Variants in SMYD3 observed in about 807,000 individuals in gnomAD.
SMYD3 encodes the protein histone-lysine N-methyltransferase SMYD3.
Under a neutral mutation model 57.7 loss-of-function variants are expected in SMYD3, and 36 were observed. That is an observed-to-expected ratio of 0.62 (90% CI 0.48 to 0.82). The LOEUF (loss-of-function observed/expected upper bound fraction) is 0.82. Among genes scored for constraint, SMYD3 ranks in the 40% least tolerant of loss-of-function variants. The pLI is 0.00. For missense variants in SMYD3, 515 were observed against 538.8 expected, an observed-to-expected ratio of 0.96 and a Z score of 0.44; for synonymous variants, 211 against 195.0, an observed-to-expected ratio of 1.08 and a Z score of -0.68.
intron 5 of SMYD3, among the ~76,000 whole-genome samples, chr1:246,021,877 A>C (rs543390739): frequency 6.6e-6 from 1 of 152,336 alleles, no homozygotes; most frequent in Admixed American, 6.5e-5. Context: ...TCAGCAGCTC[A>C]CTTCGTGGGT....
At chr1:246,345,945 C>T (rs1003399747) in intron 2 of SMYD3, among the ~76,000 whole-genome samples, 12 of 152,188 alleles carry the variant, frequency 7.9e-5, no homozygotes, top group African/African-American at 2.9e-4. Context: ...ATGAATGCCA[C>T]AGTCCAGGGA....
chr1:246,329,331 T>C (rs1486084505), intron 4 of SMYD3, among the ~76,000 whole-genome samples: 1 of 152,184 alleles, frequency 6.6e-6, no homozygotes, highest in Admixed American at 6.5e-5. Flanking sequence ...TTCCTATTTC[T>C]CCACATCCTC....
At chr1:246,356,237 G>A (rs1452855742) in intron 1 of SMYD3, among the ~76,000 whole-genome samples, 1 of 152,130 alleles carries the variant, frequency 6.6e-6, no homozygotes, top group Non-Finnish European at 1.5e-5. Context: ...CATCCCTGGG[G>A]GAGGAGGGAG....
chr1:246,132,695 A>C (rs2061605525), intron 5 of SMYD3, among the ~76,000 whole-genome samples: 1 of 152,184 alleles, frequency 6.6e-6, no homozygotes, highest in African/African-American at 2.4e-5. Context: ...GTGAAAAAGC[A>C]ATCCATAGAA....
At chr1:246,326,862 A>C (rs773370373) in intron 5 of SMYD3, 13 of 337,738 alleles carry the variant, frequency 3.8e-5, no homozygotes, top group Non-Finnish European at 6.4e-5. Flanking sequence ...CAATGAATGC[A>C]ATGCAACGGC....
At chr1:246,153,376 T>C (rs2061973794) in intron 5 of SMYD3, among the ~76,000 whole-genome samples, 1 of 135,706 alleles carries the variant, frequency 7.4e-6, no homozygotes, top group Admixed American at 7.6e-5. Context: ...CACTCATCAC[T>C]TCCCCTCAGC....
chr1:246,048,346 G>C (rs540851829), intron 5 of SMYD3, among the ~76,000 whole-genome samples: 6 of 152,066 alleles, frequency 3.9e-5, no homozygotes, highest in Admixed American at 6.6e-5. Flanking sequence ...TAAAATTCAC[G>C]TGGCCTTGAA....
intron 5 of SMYD3, among the ~76,000 whole-genome samples, chr1:246,134,288 C>T (rs2061633187): frequency 6.6e-6 from 1 of 152,092 alleles, no homozygotes; most frequent in Non-Finnish European, 1.5e-5. Flanking sequence ...TCTATTCCAA[C>T]CTAAGCTCCA....
intron 5 of SMYD3, among the ~76,000 whole-genome samples, chr1:246,280,348 G>C (rs1328585171): frequency 6.6e-6 from 1 of 152,204 alleles, no homozygotes; most frequent in Non-Finnish European, 1.5e-5. Context: ...TCTAGCACTT[G>C]TCAGTACAAG....
intron 10 of SMYD3, among the ~76,000 whole-genome samples, chr1:245,780,650 C>A (rs1416822820): frequency 1.3e-5 from 2 of 152,182 alleles, no homozygotes; most frequent in Non-Finnish European, 2.9e-5. Flanking sequence ...AAAAAACCCA[C>A]TGAAATGTAC....
At chr1:246,487,114 AGAG>A (rs1339563311) in intron 1 of SMYD3, among the ~76,000 whole-genome samples, 2 of 152,226 alleles carry the variant, frequency 1.3e-5, no homozygotes, top group Non-Finnish European at 2.9e-5. Flanking sequence ...AAGAGCTTCC[AGAG>A]GAGGTAAAAA....
rs1000727233 is a variant in SMYD3 at position 246,356,067 on chromosome 1, G to C, written c.165-973C>G. On this transcript the variant is annotated intron_variant, in intron 1 of 11. Coordinates refer to ENST00000490107, the MANE Select transcript of SMYD3 (RefSeq NM_001167740.2). Reference sequence around the variant, plus strand: ...GCACACTAAACAAAAATACAACCAAGGGCCCTTGTAGAGTCCACTTCACGC... The same window carrying C: ...GCACACTAAACAAAAATACAACCAACGGCCCTTGTAGAGTCCACTTCACGC... 3.3e-5 allele frequency among the ~76,000 whole-genome samples: 5 copies of C among 152,192 alleles called. No homozygotes were observed. The East Asian group carries it at 9.7e-4, about 29-fold the overall frequency.
chr1:246,253,113 T>C (rs1359047726), intron 5 of SMYD3, among the ~76,000 whole-genome samples: 1 of 151,180 alleles, frequency 6.6e-6, no homozygotes, highest in African/African-American at 2.4e-5. Flanking sequence ...TTTTCTGGGA[T>C]TGTTGTGTTT....
intron 5 of SMYD3, among the ~76,000 whole-genome samples, chr1:246,185,561 A>C (rs1280510894): frequency 6.7e-6 from 1 of 148,900 alleles, no homozygotes; most frequent in Non-Finnish European, 1.5e-5. Flanking sequence ...TCCCGGGTTC[A>C]AGCCATTCTC....
At chr1:246,286,063 C>T (rs984057765) in intron 5 of SMYD3, among the ~76,000 whole-genome samples, 6 of 152,134 alleles carry the variant, frequency 3.9e-5, no homozygotes, top group Non-Finnish European at 7.4e-5. Flanking sequence ...AGTACAACCA[C>T]TATGGAAAAC....
chr1:246,275,816 C>T (rs6679842), intron 5 of SMYD3, among the ~76,000 whole-genome samples: 11 of 140,788 alleles, frequency 7.8e-5, no homozygotes, highest in African/African-American at 2.7e-4. Context: ...TTATTTAATG[C>T]CTCTAGTGGA....
At chr1:246,479,847 T>A (rs991493977) in intron 1 of SMYD3, among the ~76,000 whole-genome samples, 1 of 152,140 alleles carries the variant, frequency 6.6e-6, no homozygotes, top group Non-Finnish European at 1.5e-5. Context: ...CTCTGCTGTA[T>A]CTTCAGTACC....
intron 5 of SMYD3, among the ~76,000 whole-genome samples, chr1:246,175,314 T>C (rs1253763815): frequency 6.6e-6 from 1 of 152,194 alleles, no homozygotes; most frequent in African/African-American, 2.4e-5. Context: ...AAACTTAGTA[T>C]TATCCAACTG....
chr1:245,885,416 C>G (rs1330943408), intron 8 of SMYD3, among the ~76,000 whole-genome samples: 1 of 152,280 alleles, frequency 6.6e-6, no homozygotes, highest in Non-Finnish European at 1.5e-5. Flanking sequence ...TGCAAGCTTC[C>G]AGCTTGCTTG....
Sources: allele counts gnomAD v4.1 joint callset (sites outside exome capture counted in the v4.1 genomes callset), GRCh38; gene constraint gnomAD v4.1.1; transcripts MANE v1.5; gene names NCBI Gene and HGNC (gene_info 2026-07-23, HGNC 2026-07-21).